The following ELOVL4 variants were observed in gnomAD, a reference collection of about 807,000 sequenced individuals.
ELOVL4 encodes the protein ELOVL fatty acid elongase 4.
A neutral mutation model predicts 42.1 loss-of-function variants in ELOVL4; 18 were observed. The observed-to-expected ratio is 0.43, with a 90% confidence interval of 0.30 to 0.63. The LOEUF is 0.63. Among genes scored for constraint, ELOVL4 ranks in the 30% least tolerant of loss-of-function variants. ELOVL4 has a pLI of 0.15. For missense variants in ELOVL4, 299 were observed against 376.2 expected (o/e 0.79, Z 1.70); for synonymous variants, 117 against 127.0 (o/e 0.92, Z 0.53).
At chr6:79,932,649 A>G (rs560889509) in intron 1 of ELOVL4, among the ~76,000 whole-genome samples, 1 of 152,172 alleles carries the variant, frequency 6.6e-6, no homozygotes, top group Non-Finnish European at 1.5e-5. Context: ...TTAAGATCAC[A>G]TAGCATGGTG....
chr6:79,940,317 T>C (rs118030638), intron 1 of ELOVL4, among the ~76,000 whole-genome samples: 2,500 of 152,330 alleles, frequency 0.016, 30 homozygotes, highest in South Asian at 0.038. Flanking sequence ...CTAAGGTATT[T>C]GTTTACAAAT....
chr6:79,916,664 G>A lies in ELOVL4; in HGVS notation c.889C>T (p.Gln297Ter), dbSNP rs979133897. 2 of 1,613,930 alleles carry A rather than the reference G, an allele frequency of 1.2e-6. No homozygotes were observed. Among genetic ancestry groups the A allele is most frequent in the African/African-American group, 2.7e-5 (2 of 74,858 alleles). The change falls in exon 6 of 6, where the codon CAA becomes TAA. Residue 297 changes from glutamine (Q) to a stop codon, truncating the protein, a stop_gained. Coordinates refer to ENST00000369816, the MANE Select transcript of ELOVL4 (RefSeq NM_022726.4). LOFTEE classifies it high-confidence loss of function. ...TTTTTTCCATTTTCTATCATGAGTT[G>A]TTTTTCTGATTTGCTCACACCATTT... ...SANGVSKSEK[Q>*]LMIENGKKQK...
chr6:79,922,590 A>C (rs1774277154), intron 3 of ELOVL4, among the ~76,000 whole-genome samples: 1 of 152,184 alleles, frequency 6.6e-6, no homozygotes, highest in South Asian at 2.1e-4. Context: ...TTTTATGTCA[A>C]GTATTTTCTA....
chr6:79,946,534 C>A (rs866433111), intron 1 of ELOVL4, among the ~76,000 whole-genome samples: 36 of 152,134 alleles, frequency 2.4e-4, no homozygotes, highest in African/African-American at 8.7e-4. Flanking sequence ...CACTGCAGTG[C>A]GCAAAGCCAT....
At chr6:79,923,503 C>T (rs1232175084) in intron 3 of ELOVL4, among the ~76,000 whole-genome samples, 2 of 152,220 alleles carry the variant, frequency 1.3e-5, no homozygotes, top group African/African-American at 2.4e-5. Context: ...TATCCCTGTT[C>T]CCTTCCCTAC....
intron 1 of ELOVL4, among the ~76,000 whole-genome samples, chr6:79,942,563 A>T (rs1774666281): frequency 6.6e-6 from 1 of 152,210 alleles, no homozygotes; most frequent in Non-Finnish European, 1.5e-5. Flanking sequence ...ATAAGAAAAC[A>T]AATTGAATTT....
chr6:79,936,542 G>A (rs1039492575), intron 1 of ELOVL4, among the ~76,000 whole-genome samples: 12 of 152,266 alleles, frequency 7.9e-5, no homozygotes, highest in African/African-American at 2.4e-4. Flanking sequence ...GTTCCTTGCT[G>A]TATCTCTGTT....
At chr6:79,938,784 T>G (rs1385967429) in intron 1 of ELOVL4, among the ~76,000 whole-genome samples, 1 of 152,226 alleles carries the variant, frequency 6.6e-6, no homozygotes, top group African/African-American at 2.4e-5. Flanking sequence ...AGATTTAGTA[T>G]TCTAAACAGT....
At chr6:79,922,345 G>A (rs1321307302) in intron 3 of ELOVL4, among the ~76,000 whole-genome samples, 1 of 151,596 alleles carries the variant, frequency 6.6e-6, no homozygotes, top group Non-Finnish European at 1.5e-5. Flanking sequence ...GTTTGTATTA[G>A]GTATTAAATC....
In ELOVL4 at chr6:79,916,734, A is replaced by T; in HGVS notation, c.819T>A (p.Pro273=). Reference sequence around the variant, plus strand: ...CTGTTTTTCCAGCTTTTGGTTTCTTAGGCTCTTTGTATGTCCGAATGTAGA... The same window carrying T: ...CTGTTTTTCCAGCTTTTGGTTTCTTTGGCTCTTTGTATGTCCGAATGTAGA... The part of the protein sequence containing the change: ...LNFYIRTYKE[P]KKPKAGKTAM... Residue 273 remains proline (P), a synonymous_variant, in exon 6 of 6, where the codon CCT becomes CCA. Coordinates refer to ENST00000369816, the MANE Select transcript of ELOVL4 (RefSeq NM_022726.4). 1 of 1,614,044 alleles carries T rather than the reference A, an allele frequency of 6.2e-7. No individual in the cohort carries two copies. Among genetic ancestry groups the T allele is most frequent in the Non-Finnish European group, 8.5e-7 (1 of 1,180,008 alleles).
intron 4 of ELOVL4, among the ~76,000 whole-genome samples, chr6:79,921,294 T>C (rs1308026777): frequency 6.6e-6 from 1 of 151,524 alleles, no homozygotes; most frequent in African/African-American, 2.4e-5. Flanking sequence ...ACCCTGTCTC[T>C]ACTAAAAATA....
intron 1 of ELOVL4, among the ~76,000 whole-genome samples, chr6:79,927,932 G>A (rs1649027801): frequency 6.6e-6 from 1 of 152,100 alleles, no homozygotes; most frequent in Non-Finnish European, 1.5e-5. Context: ...AAGATAGCAC[G>A]GCTGACTTTT....
At chr6:79,930,667 A>C (rs879943226) in intron 1 of ELOVL4, among the ~76,000 whole-genome samples, 1 of 152,202 alleles carries the variant, frequency 6.6e-6, no homozygotes, top group Non-Finnish European at 1.5e-5. Flanking sequence ...AACCAAAAAA[A>C]GGTTGGGGGG....
intron 1 of ELOVL4, among the ~76,000 whole-genome samples, chr6:79,929,041 T>C (rs1263688112): frequency 6.6e-6 from 1 of 151,970 alleles, no homozygotes; most frequent in Non-Finnish European, 1.5e-5. Flanking sequence ...CTGGCTCTGC[T>C]ACTGTGCATA....
In ELOVL4 at chr6:79,915,183, T is replaced by C. The variant is rs1774136667; in HGVS notation, c.*1425A>G. 6.6e-6 allele frequency: 1 copy of C among 152,340 alleles called. No individual in the cohort carries two copies. The highest frequency in any genetic ancestry group is 2.1e-4 in the South Asian group (1 of 4,834). 9.4% of individuals were successfully genotyped at this position (152,340 alleles called of 1,614,324 possible). A position where few individuals can be genotyped will look rare whatever the true frequency, so the allele number is the denominator to read the frequency against. On this transcript the variant is annotated 3_prime_UTR_variant, in exon 6 of 6. Transcript: ENST00000369816. ...CTTTTTTTTGGTCACATTTTGTCTTTCTCTAGTAATCCCTTTGCAACATCC... is the reference window on the plus strand; with the variant it reads ...CTTTTTTTTGGTCACATTTTGTCTTCCTCTAGTAATCCCTTTGCAACATCC...
At chr6:79,944,632 T>C (rs958758515) in intron 1 of ELOVL4, among the ~76,000 whole-genome samples, 1 of 152,114 alleles carries the variant, frequency 6.6e-6, no homozygotes, top group Non-Finnish European at 1.5e-5. Context: ...TTTGGATATG[T>C]TTGGATATTT....
In ELOVL4 at chr6:79,916,644, T is replaced by C. The variant is rs1406717066; in HGVS notation, c.909A>G (p.Gly303=). 2.5e-6 allele frequency: 4 copies of C among 1,614,074 alleles called. No homozygotes were observed. Among genetic ancestry groups the C allele is most frequent in the South Asian group, 1.1e-5 (1 of 91,092 alleles). Residue 303 remains glycine, a synonymous_variant, in exon 6 of 6, where the codon GGA becomes GGG. Coordinates refer to ENST00000369816, the MANE Select transcript of ELOVL4 (RefSeq NM_022726.4). ...TTGCTTTTCCATTTTTCTGCTTTTT[T>C]CCATTTTCTATCATGAGTTGTTTTT... The part of the protein sequence containing the change: ...KSEKQLMIEN[G]KKQKNGKAKG...
chr6:79,941,247 G>A (rs1774639623), intron 1 of ELOVL4, among the ~76,000 whole-genome samples: 2 of 152,096 alleles, frequency 1.3e-5, no homozygotes, highest in Admixed American at 1.3e-4. Context: ...AGAGAACAAT[G>A]CTGAGAATTG....
chr6:79,930,086 T>C (rs952616920), intron 1 of ELOVL4, among the ~76,000 whole-genome samples: 1 of 152,176 alleles, frequency 6.6e-6, no homozygotes, highest in Non-Finnish European at 1.5e-5. Context: ...GCATAATAAC[T>C]TTATCCTCAA....
Sources: allele counts gnomAD v4.1 joint callset (sites outside exome capture counted in the v4.1 genomes callset), GRCh38; gene constraint gnomAD v4.1.1; transcripts MANE v1.5; gene names NCBI Gene and HGNC (gene_info 2026-07-23, HGNC 2026-07-21).